Variants in FSTL5 observed in about 807,000 individuals in gnomAD.
FSTL5 encodes follistatin like 5.
In FSTL5, 62 loss-of-function variants were observed where a neutral mutation model predicts 89.1. That is an observed-to-expected ratio of 0.70 (90% CI 0.57 to 0.86). The LOEUF is 0.86. Ranked by LOEUF, FSTL5 falls within the 40% of genes least tolerant of loss-of-function variation. FSTL5 has a pLI of 0.00. For synonymous variants in FSTL5, 383 were observed against 346.2 expected (o/e 1.11, Z -1.18); for missense variants, 1,057 against 1,001.6 (o/e 1.06, Z -0.75).
chr4:161,744,615 C>T (rs546056992), intron 6 of FSTL5, among the ~76,000 whole-genome samples: 1 of 152,188 alleles, frequency 6.6e-6, no homozygotes, highest in Admixed American at 6.5e-5. Flanking sequence ...TAGCTAAAGT[C>T]TCTAATAGTC....
chr4:161,891,871 T>A (rs1732999368), intron 4 of FSTL5, among the ~76,000 whole-genome samples: 1 of 152,060 alleles, frequency 6.6e-6, no homozygotes, highest in Admixed American at 6.6e-5. Flanking sequence ...ATGTGACTCT[T>A]CTATTGTTCT....
chr4:161,695,480 CATAT>C (rs58447642), intron 6 of FSTL5, among the ~76,000 whole-genome samples: 21 of 145,168 alleles, frequency 1.4e-4, no homozygotes, highest in African/African-American at 4.7e-4. Flanking sequence ...AGACATATAT[CATAT>C]ATATATATAT....
At chr4:161,518,805 C>G (rs987631341) in intron 10 of FSTL5, among the ~76,000 whole-genome samples, 5 of 152,146 alleles carry the variant, frequency 3.3e-5, no homozygotes, top group African/African-American at 1.2e-4. Context: ...TGGCTTAAAA[C>G]AACAATAAAC....
intron 4 of FSTL5, among the ~76,000 whole-genome samples, chr4:161,898,730 T>G (rs982102804): frequency 1.3e-5 from 2 of 150,808 alleles, no homozygotes; most frequent in Non-Finnish European, 3.0e-5. Context: ...CCCGGGTTCA[T>G]GCCATTCTCC....
At chr4:161,584,421 T>G (rs1733538466) in intron 8 of FSTL5, among the ~76,000 whole-genome samples, 1 of 152,242 alleles carries the variant, frequency 6.6e-6, no homozygotes, top group South Asian at 2.1e-4. Context: ...ATTGATTTGT[T>G]ACTATAATTA....
chr4:161,404,783 T>G (rs563357840), intron 15 of FSTL5, among the ~76,000 whole-genome samples: 6 of 151,266 alleles, frequency 4.0e-5, no homozygotes, highest in Non-Finnish European at 7.4e-5. Context: ...CATTATATAT[T>G]AAATGTGTTG....
intron 3 of FSTL5, among the ~76,000 whole-genome samples, chr4:161,959,997 C>A (rs963948273): frequency 6.6e-6 from 1 of 151,854 alleles, no homozygotes; most frequent in African/African-American, 2.4e-5. Context: ...TGTTGAAACA[C>A]CAATTCGAGC....
intron 4 of FSTL5, among the ~76,000 whole-genome samples, chr4:161,799,548 T>A (rs1729734752): frequency 2.0e-5 from 3 of 151,726 alleles, no homozygotes; most frequent in Admixed American, 2.0e-4. Context: ...TCACTTGACA[T>A]CTTATTCACC....
chr4:161,387,503 T>C (rs1730685830), intron 15 of FSTL5: 1 of 152,034 alleles, frequency 6.6e-6, no homozygotes, highest in Non-Finnish European at 1.5e-5. Flanking sequence ...ATTATCTTTA[T>C]GCTAATTATC....
chr4:161,827,876 G>A (rs1311387439), intron 4 of FSTL5, among the ~76,000 whole-genome samples: 2 of 152,118 alleles, frequency 1.3e-5, no homozygotes, highest in Non-Finnish European at 2.9e-5. Context: ...CCACTGTGAA[G>A]CAGGTATGGT....
chr4:161,975,057 C>G (rs1578908263), intron 3 of FSTL5, among the ~76,000 whole-genome samples: 1 of 136,020 alleles, frequency 7.4e-6, no homozygotes, highest in Non-Finnish European at 1.5e-5. Flanking sequence ...AATGAGATAC[C>G]ATCTCACACC....
Position 161,947,092 on chromosome 4 carries a change from G to T in FSTL5, c.161-26440C>A, listed in dbSNP as rs1237444077. ...TGATATCATTTTATACTGAATTTTA[G>T]AAGTTTGTTATATAGACATTTGGCA... On this transcript the variant is annotated intron_variant, in intron 3 of 15. Transcript: ENST00000306100. Among the ~76,000 whole-genome samples, 3 of 151,430 alleles carry T rather than the reference G, an allele frequency of 2.0e-5. No homozygotes were observed. In the East Asian group the frequency reaches 5.8e-4, roughly 29 times the overall value.
chr4:161,878,895 C>A (rs757323211), intron 4 of FSTL5, among the ~76,000 whole-genome samples: 3 of 152,210 alleles, frequency 2.0e-5, no homozygotes, highest in African/African-American at 4.8e-5. Flanking sequence ...TGTTATCATT[C>A]CCAGCTTACA....
At chr4:161,571,682 C>G (rs779837075) in intron 8 of FSTL5, among the ~76,000 whole-genome samples, 2 of 152,138 alleles carry the variant, frequency 1.3e-5, no homozygotes, top group Non-Finnish European at 1.5e-5. Context: ...CCGGAGGATA[C>G]AGTCTTCAGA....
chr4:161,824,286 T>C (rs1158864820), intron 4 of FSTL5, among the ~76,000 whole-genome samples: 2 of 152,232 alleles, frequency 1.3e-5, no homozygotes, highest in African/African-American at 4.8e-5. Context: ...CCCCATTTTA[T>C]GCTTTTGTTG....
At chr4:161,640,837 G>A (rs755030846) in intron 7 of FSTL5, among the ~76,000 whole-genome samples, 3 of 133,740 alleles carry the variant, frequency 2.2e-5, no homozygotes, top group Non-Finnish European at 4.4e-5. Context: ...TGAACTCAAA[G>A]AGACACATAC....
chr4:161,596,664 C>T (rs1213191532), intron 7 of FSTL5, among the ~76,000 whole-genome samples: 21 of 151,922 alleles, frequency 1.4e-4, no homozygotes, highest in Non-Finnish European at 1.5e-5. Context: ...AATGAAAATC[C>T]CTACAAGTTC....
chr4:161,653,250 C>T (rs1434808659), intron 7 of FSTL5, among the ~76,000 whole-genome samples: 1 of 152,106 alleles, frequency 6.6e-6, no homozygotes, highest in Non-Finnish European at 1.5e-5. Flanking sequence ...CTGAAATTGG[C>T]CTATTGGAGA....
intron 6 of FSTL5, among the ~76,000 whole-genome samples, chr4:161,710,219 T>C (rs1579039398): frequency 6.6e-6 from 1 of 152,254 alleles, no homozygotes; most frequent in Non-Finnish European, 1.5e-5. Context: ...CTGCCTTTCT[T>C]GGCCTTGGAA....
Sources: allele counts gnomAD v4.1 joint callset (sites outside exome capture counted in the v4.1 genomes callset), GRCh38; gene constraint gnomAD v4.1.1; transcripts MANE v1.5; gene names NCBI Gene and HGNC (gene_info 2026-07-23, HGNC 2026-07-21).